The following CCDC171 variants were observed in gnomAD, a reference collection of about 807,000 sequenced individuals.
CCDC171 encodes coiled-coil domain containing 171.
CCDC171 carries 177 observed loss-of-function variants against 168.2 expected under a neutral mutation model. The observed-to-expected ratio is 1.05, with a 90% CI of 0.93 to 1.19. CCDC171 has a LOEUF of 1.19. Among genes scored for constraint, CCDC171 ranks in the 50% most tolerant of loss-of-function variants. CCDC171 has a pLI of 0.00. For missense variants in CCDC171, 1,991 were observed against 1,539.0 expected (o/e 1.29, Z -4.91); for synonymous variants, 687 against 540.8 (o/e 1.27, Z -3.75).
intron 25 of CCDC171, among the ~76,000 whole-genome samples, chr9:15,926,994 T>C (rs1178503079): frequency 6.6e-6 from 1 of 151,714 alleles, no homozygotes; most frequent in African/African-American, 2.4e-5. Flanking sequence ...ATGTACTCAT[T>C]ACTATCCTAT....
intron 21 of CCDC171, among the ~76,000 whole-genome samples, chr9:15,828,332 A>AG (rs1458790458): frequency 4.5e-5 from 1 of 22,176 alleles, no homozygotes; most frequent in East Asian, 3.6e-3. Context: ...GAGAAGATAC[A>AG]GAAAAAAAAA....
intron 25 of CCDC171, among the ~76,000 whole-genome samples, chr9:15,933,949 A>G (rs1826811059): frequency 1.3e-5 from 2 of 152,030 alleles, no homozygotes; most frequent in African/African-American, 2.4e-5. Flanking sequence ...CAAAATTAAA[A>G]GCATGGAAAG....
At chr9:15,645,126 A>T (rs1036082764) in intron 7 of CCDC171, among the ~76,000 whole-genome samples, 2 of 152,250 alleles carry the variant, frequency 1.3e-5, no homozygotes, top group Non-Finnish European at 2.9e-5. Flanking sequence ...ATATCCAGGC[A>T]CACAGGGTCT....
intron 21 of CCDC171, among the ~76,000 whole-genome samples, chr9:15,844,318 ATATG>A (rs1256376949): frequency 6.6e-6 from 1 of 152,020 alleles, no homozygotes; most frequent in Non-Finnish European, 1.5e-5. Flanking sequence ...TGTGATGTGT[ATATG>A]TATGTAAATA....
intron 9 of CCDC171, among the ~76,000 whole-genome samples, chr9:15,668,787 T>C (rs1183415627): frequency 2.0e-5 from 3 of 152,142 alleles, no homozygotes; most frequent in Non-Finnish European, 4.4e-5. Flanking sequence ...CAGAATCATC[T>C]TTAAAAAACC....
chr9:15,690,456 T>A (rs1198062500), intron 10 of CCDC171, among the ~76,000 whole-genome samples: 1 of 152,160 alleles, frequency 6.6e-6, no homozygotes, highest in African/African-American at 2.4e-5. Flanking sequence ...ATCTCACAAA[T>A]AGTTTTTAGA....
chr9:15,685,496 G>T (rs1003588595), intron 10 of CCDC171, among the ~76,000 whole-genome samples: 1 of 152,164 alleles, frequency 6.6e-6, no homozygotes, highest in South Asian at 2.1e-4. Flanking sequence ...TGAGCTGTGC[G>T]TGGTGACGTG....
At chr9:15,697,964 A>T (rs2051344422) in intron 11 of CCDC171, among the ~76,000 whole-genome samples, 1 of 152,226 alleles carries the variant, frequency 6.6e-6, no homozygotes, top group Non-Finnish European at 1.5e-5. Flanking sequence ...CAGGGTATTT[A>T]AGATACCAGT....
chr9:15,775,711 G>T (rs1271901969), intron 18 of CCDC171, among the ~76,000 whole-genome samples: 1 of 152,104 alleles, frequency 6.6e-6, no homozygotes, highest in Non-Finnish European at 1.5e-5. Flanking sequence ...CTAAAATAAT[G>T]AACTTTTGTA....
intron 6 of CCDC171, among the ~76,000 whole-genome samples, chr9:16,027,780 A>G (rs561926175): frequency 6.6e-6 from 1 of 152,328 alleles, no homozygotes; most frequent in South Asian, 2.1e-4. Flanking sequence ...CTGATTAATT[A>G]AACATCTGCA....
chr9:16,104,555 A>G, the CCDC171 span, among the ~76,000 whole-genome samples: 1 of 152,074 alleles, frequency 6.6e-6, no homozygotes, highest in African/African-American at 2.4e-5. Flanking sequence ...ACCCACAGAG[A>G]TTTCAGGGAG....
intron 25 of CCDC171, among the ~76,000 whole-genome samples, chr9:15,966,793 A>G (rs2132723202): frequency 6.6e-6 from 1 of 152,272 alleles, no homozygotes; most frequent in South Asian, 2.1e-4. Context: ...AAGAATGCAT[A>G]AAATATTCCT....
intron 7 of CCDC171, among the ~76,000 whole-genome samples, chr9:15,652,604 TTTTTTG>T (rs1245378781): frequency 1.3e-5 from 2 of 152,194 alleles, no homozygotes; most frequent in African/African-American, 4.8e-5. Context: ...CTAATTTTTG[TTTTTTG>T]TTTTTGTTTT....
intron 4 of CCDC171, among the ~76,000 whole-genome samples, chr9:15,590,769 TTCTC>T (rs1223868945): frequency 1.9e-5 from 2 of 104,588 alleles, no homozygotes; most frequent in Admixed American, 1.2e-4. Flanking sequence ...CTTTCTTTCT[TTCTC>T]TTTCTTTCTT....
At chr9:15,624,782 T>A (rs2044905317) in intron 7 of CCDC171, among the ~76,000 whole-genome samples, 1 of 152,194 alleles carries the variant, frequency 6.6e-6, no homozygotes, top group Non-Finnish European at 1.5e-5. Context: ...TACGTGTGCA[T>A]GTGTCTTTAT....
At chr9:16,051,564 C>G (rs994616779) in intron 1 of CCDC171, among the ~76,000 whole-genome samples, 5 of 152,164 alleles carry the variant, frequency 3.3e-5, no homozygotes, top group Admixed American at 3.3e-4. Context: ...ACGACCCATC[C>G]TTTGTTGTTT....
At chr9:15,838,806 A>T (rs953284160) in intron 21 of CCDC171, among the ~76,000 whole-genome samples, 17 of 152,142 alleles carry the variant, frequency 1.1e-4, no homozygotes, top group Non-Finnish European at 1.5e-5. Flanking sequence ...AGCAGCTAAG[A>T]TCTCCCTAAC....
At chr9:15,748,963 A>G (rs942283593) in intron 18 of CCDC171, among the ~76,000 whole-genome samples, 1 of 152,186 alleles carries the variant, frequency 6.6e-6, no homozygotes, top group Non-Finnish European at 1.5e-5. Flanking sequence ...TTCACATATA[A>G]CAATATTAAC....
At chr9:15,661,197 G>A (rs552194307) in intron 8 of CCDC171, among the ~76,000 whole-genome samples, 8 of 149,884 alleles carry the variant, frequency 5.3e-5, no homozygotes, top group Admixed American at 4.7e-4. Context: ...GGAGAATGGC[G>A]TGAACCAAGG....
Sources: gnomAD v4.1 joint callset for allele counts (sites outside exome capture counted in the v4.1 genomes callset) on GRCh38, gnomAD v4.1.1 for gene constraint, MANE v1.5 for transcripts, NCBI Gene and HGNC (gene_info 2026-07-23, HGNC 2026-07-21) for gene names.